Variants in AFF3 observed in about 807,000 individuals in gnomAD.
The protein encoded by AFF3 is ALF transcription elongation factor 3.
AFF3 carries 32 observed loss-of-function variants against 129.7 expected under a neutral mutation model. The ratio of observed to expected loss-of-function variants is 0.25; its 90% confidence interval spans 0.19 to 0.33. The LOEUF is 0.33. Ranked by LOEUF, AFF3 falls within the 10% of genes least tolerant of loss-of-function variation. The probability of loss-of-function intolerance (pLI) is 1.00; values close to 1 mark genes in which losing one functional copy is unlikely to be tolerated. For missense variants in AFF3, 1,373 were observed against 1,592.0 expected, an observed-to-expected ratio of 0.86 and a Z score of 2.34; for synonymous variants, 644 against 635.4, an observed-to-expected ratio of 1.01 and a Z score of -0.20.
At chr2:99,928,561 T>A (rs577818830) in intron 7 of AFF3, among the ~76,000 whole-genome samples, 90 of 152,340 alleles carry the variant, frequency 5.9e-4, no homozygotes, top group Admixed American at 1.6e-3. Flanking sequence ...GCTTGAAAGC[T>A]GCCATGGATG....
At chr2:99,724,481 C>A (rs1308055638) in intron 11 of AFF3, among the ~76,000 whole-genome samples, 1 of 151,772 alleles carries the variant, frequency 6.6e-6, no homozygotes, top group African/African-American at 2.4e-5. Flanking sequence ...CCATGTTGGC[C>A]AGGCTGGTTT....
chr2:99,570,131 T>C (rs1419555241), intron 18 of AFF3, among the ~76,000 whole-genome samples: 2 of 152,136 alleles, frequency 1.3e-5, no homozygotes, highest in African/African-American at 4.8e-5. Context: ...TCACTGAGGG[T>C]GAGGCCTGAG....
intron 7 of AFF3, among the ~76,000 whole-genome samples, chr2:99,884,325 C>T (rs531063807): frequency 6.8e-4 from 103 of 152,264 alleles, no homozygotes; most frequent in African/African-American, 2.4e-3. Flanking sequence ...ACGGCTTGAA[C>T]ATTTAAAATC....
chr2:99,704,931 G>T (rs1677213195), intron 11 of AFF3, among the ~76,000 whole-genome samples: 1 of 152,154 alleles, frequency 6.6e-6, no homozygotes, highest in African/African-American at 2.4e-5. Flanking sequence ...GATCTGGGAG[G>T]CATCTGGACA....
intron 7 of AFF3, among the ~76,000 whole-genome samples, chr2:99,869,758 A>G (rs1691728071): frequency 6.6e-6 from 1 of 152,088 alleles, no homozygotes; most frequent in Non-Finnish European, 1.5e-5. Context: ...CCTTGTTCCA[A>G]AGGGTTCTGG....
intron 11 of AFF3, among the ~76,000 whole-genome samples, chr2:99,689,396 C>T (rs752697324): frequency 2.6e-5 from 4 of 152,082 alleles, no homozygotes; most frequent in Non-Finnish European, 4.4e-5. Context: ...CTGCCTGATG[C>T]CCTTCTCCCT....
At chr2:99,662,682 T>C (rs191115821) in intron 12 of AFF3, among the ~76,000 whole-genome samples, 2 of 152,328 alleles carry the variant, frequency 1.3e-5, no homozygotes, top group East Asian at 1.9e-4. Context: ...ACAAATAACA[T>C]TGACAATACA....
At chr2:99,864,671 A>C (rs1352994545) in intron 7 of AFF3, among the ~76,000 whole-genome samples, 1 of 152,184 alleles carries the variant, frequency 6.6e-6, no homozygotes, top group African/African-American at 2.4e-5. Flanking sequence ...ACCAACAATG[A>C]GCAATGAGAA....
intron 7 of AFF3, among the ~76,000 whole-genome samples, chr2:99,896,023 C>T (rs1421419262): frequency 1.5e-5 from 2 of 135,710 alleles, no homozygotes; most frequent in South Asian, 2.4e-4. Context: ...GAGGCGAGAT[C>T]GCACCACTGC....
intron 7 of AFF3, among the ~76,000 whole-genome samples, chr2:99,972,418 C>A (rs1300312568): frequency 6.6e-6 from 1 of 152,186 alleles, no homozygotes; most frequent in Non-Finnish European, 1.5e-5. Flanking sequence ...CTGGTCTGCA[C>A]AGGGGTGATT....
At chr2:99,739,039 T>C (rs969358288) in intron 10 of AFF3, among the ~76,000 whole-genome samples, 4 of 128,332 alleles carry the variant, frequency 3.1e-5, no homozygotes, top group African/African-American at 8.3e-5. Context: ...GCAAATATTA[T>C]GGTACTTTTT....
In AFF3 at chr2:99,550,318, C is replaced by T. The variant is rs1290985389; in HGVS notation, c.*1156G>A. On this transcript the variant is annotated 3_prime_UTR_variant, in exon 25 of 25. Transcript: ENST00000672756. ...GATCTTCTGCATTGCAAGCAGCCTG[C>T]TAATCAAAGCCTGAAAAATCGCCCC... The T allele has an allele frequency of 8.7e-6, 2 of 230,848 alleles. No individual in the cohort carries two copies. The highest frequency in any genetic ancestry group is 4.4e-5 in the African/African-American group (2 of 45,224). 14.3% of individuals were successfully genotyped at this position (230,848 alleles called of 1,614,324 possible).
At chr2:100,100,663 C>T (rs1351160049) in intron 4 of AFF3, among the ~76,000 whole-genome samples, 1 of 152,234 alleles carries the variant, frequency 6.6e-6, no homozygotes, top group African/African-American at 2.4e-5. Flanking sequence ...GTACAACCTA[C>T]GCCTTACTCA....
chr2:99,910,300 T>C (rs2106192905), intron 7 of AFF3, among the ~76,000 whole-genome samples: 1 of 152,324 alleles, frequency 6.6e-6, no homozygotes, highest in African/African-American at 2.4e-5. Flanking sequence ...GTAGTTAGCA[T>C]TTTTATTGCT....
intron 8 of AFF3, among the ~76,000 whole-genome samples, chr2:99,758,339 T>C (rs1216091710): frequency 2.6e-5 from 4 of 152,170 alleles, no homozygotes. Context: ...CCCAGCACTA[T>C]GGGAGGCCAA....
chr2:100,066,713 A>G (rs1687747408), intron 4 of AFF3, among the ~76,000 whole-genome samples: 1 of 152,218 alleles, frequency 6.6e-6, no homozygotes, highest in Non-Finnish European at 1.5e-5. Context: ...AGTAGTTAGC[A>G]TCACTGCAAG....
chr2:99,657,089 A>T (rs1218452362), intron 12 of AFF3, among the ~76,000 whole-genome samples: 1 of 152,070 alleles, frequency 6.6e-6, no homozygotes, highest in East Asian at 1.9e-4. Context: ...CTGCTTATAA[A>T]CCCTGTTAAA....
At chr2:99,977,841 C>T (rs1006211454) in intron 7 of AFF3, among the ~76,000 whole-genome samples, 1 of 152,192 alleles carries the variant, frequency 6.6e-6, no homozygotes, top group Non-Finnish European at 1.5e-5. Context: ...AACCTCTGGT[C>T]AAACCTCATC....
chr2:99,860,989 G>A (rs1426692063), intron 7 of AFF3, among the ~76,000 whole-genome samples: 2 of 152,118 alleles, frequency 1.3e-5, no homozygotes, highest in African/African-American at 2.4e-5. Flanking sequence ...TCCCCAGAAC[G>A]TATCCATCTT....
Sources: allele counts gnomAD v4.1 joint callset (sites outside exome capture counted in the v4.1 genomes callset), GRCh38; gene constraint gnomAD v4.1.1; transcripts MANE v1.5; gene names NCBI Gene and HGNC (gene_info 2026-07-23, HGNC 2026-07-21).